Variants in LAMC1 observed in about 807,000 individuals in gnomAD.
LAMC1 encodes the protein laminin subunit gamma-1.
A neutral mutation model predicts 173.6 loss-of-function variants in LAMC1; 38 were observed. The ratio of observed to expected loss-of-function variants is 0.22; its 90% CI spans 0.17 to 0.29. The LOEUF is 0.29. Among genes scored for constraint, LAMC1 ranks in the 10% least tolerant of loss-of-function variants. The probability of loss-of-function intolerance (pLI) is 1.00; values close to 1 mark genes in which losing one functional copy is unlikely to be tolerated. For missense variants in LAMC1, 1,824 were observed against 2,051.8 expected, an observed-to-expected ratio of 0.89 and a Z score of 2.14; for synonymous variants, 746 against 749.1, an observed-to-expected ratio of 1.00 and a Z score of 0.07.
At chr1:183,076,039 G>A (rs894400891) in intron 1 of LAMC1, among the ~76,000 whole-genome samples, 1 of 152,168 alleles carries the variant, frequency 6.6e-6, no homozygotes, top group Admixed American at 6.5e-5. Context: ...ATGTTGTCTG[G>A]TCAATTTCTC....
Position 183,116,805 on chromosome 1 carries a change from C to T in LAMC1, c.1466C>T (p.Pro489Leu). The T allele has an allele frequency of 6.2e-7, 1 of 1,613,966 alleles. No homozygotes were observed. The highest frequency in any genetic ancestry group is 1.1e-5 in the South Asian group (1 of 91,076). Reference protein sequence around the residue: ...PGFFNLESSNPRGCTPCFCFG... With the variant: ...PGFFNLESSNLRGCTPCFCFG... ...TTTTTTAATCTGGAATCATCTAATC[C>T]TCGGGGTTGCACACCCTGCTTCTGC... The change falls in exon 8 of 28, where the codon CCT becomes CTT. Residue 489 changes from proline to leucine, a missense_variant. Physicochemically the swap from Pro to Leu is moderately conservative, Grantham distance 98. Transcript: ENST00000258341.
In LAMC1 at chr1:183,062,661, T is replaced by C. The variant is rs181328925; in HGVS notation, c.418+38527T>C. Among the ~76,000 whole-genome samples, 494 of 151,948 alleles carry C rather than the reference T, an allele frequency of 3.3e-3. 3 individuals are homozygous for C. Among genetic ancestry groups the C allele is most frequent in the African/African-American group, 0.011 (471 of 41,428 alleles). Reference sequence around the variant, plus strand: ...CTCTGTCTAAAAAAATAAAAAACTTTTATTTACTGGCCGGGTGCAGTGGCT... The same window carrying C: ...CTCTGTCTAAAAAAATAAAAAACTTCTATTTACTGGCCGGGTGCAGTGGCT... On this transcript the variant is annotated intron_variant, in intron 1 of 27. Transcript: ENST00000258341.
At chr1:183,046,216 A>C (rs755747759) in intron 1 of LAMC1, among the ~76,000 whole-genome samples, 12 of 152,008 alleles carry the variant, frequency 7.9e-5, no homozygotes, top group Non-Finnish European at 1.8e-4. Flanking sequence ...TCTACATTTA[A>C]GTTTATCTGG....
rs554685902 is a variant in LAMC1, at chr1:183,060,443, A to G, written c.418+36309A>G. Among the ~76,000 whole-genome samples the G allele has an allele frequency of 5.3e-5, 8 of 151,424 alleles. No homozygotes were observed. The South Asian group carries it at 1.7e-3, about 32-fold the overall frequency. On this transcript the variant is annotated intron_variant, in intron 1 of 27. Transcript: ENST00000258341. ...CCTTTACCCTGTCCCTCTGTCCTGC[A>G]TTTGCCATCCTTTAAGACTCAATTC...
intron 1 of LAMC1, among the ~76,000 whole-genome samples, chr1:183,053,224 C>G (rs1469805494): frequency 6.6e-6 from 1 of 152,154 alleles, no homozygotes; most frequent in Non-Finnish European, 1.5e-5. Context: ...TTTAATAGAT[C>G]ATATTTTCCC....
intron 2 of LAMC1, among the ~76,000 whole-genome samples, chr1:183,105,224 C>CAAAAAAAAAAAAA (rs35512159): frequency 4.7e-5 from 2 of 42,802 alleles, no homozygotes; most frequent in Non-Finnish European, 4.3e-5. Context: ...GACTCCATCT[C>CAAAAAAAAAAAAA]AAAAAAAAAA....
In LAMC1 at chr1:183,121,777, T is replaced by A; in HGVS notation, c.2045T>A (p.Val682Asp). The change falls in exon 12 of 28, where the codon GTC becomes GAC. Residue 682 changes from valine to aspartate, a missense_variant. Transcript: ENST00000258341. ...GCAAGTGCTCGTCCTGGGCCTGGAG[T>A]CCCTGCAACTTGGGTGGAGTCCTGC... ...TLASARPGPG[V>D]PATWVESCTC... 6.2e-7 allele frequency: 1 copy of A among 1,614,108 alleles called. No individual in the cohort carries two copies. The highest frequency in any genetic ancestry group is 8.5e-7 in the Non-Finnish European group (1 of 1,180,012).
At chr1:183,124,166 T>G (rs934317086) in intron 13 of LAMC1, among the ~76,000 whole-genome samples, 1 of 152,240 alleles carries the variant, frequency 6.6e-6, no homozygotes, top group Non-Finnish European at 1.5e-5. Context: ...TGATACTGAT[T>G]AACAAGGATT....
intron 2 of LAMC1, among the ~76,000 whole-genome samples, chr1:183,105,459 G>GT (rs1655954889): frequency 6.6e-6 from 1 of 152,084 alleles, no homozygotes; most frequent in Non-Finnish European, 1.5e-5. Context: ...ATACAAAGTT[G>GT]TAACTGTGGT....
intron 8 of LAMC1, 138 bp downstream of exon 8, chr1:183,117,041 G>A (rs1205174329): frequency 9.8e-6 from 9 of 920,840 alleles, no homozygotes; most frequent in Non-Finnish European, 1.4e-5. Flanking sequence ...CATAGTTTTT[G>A]TAGTTTGGCC....
rs529759463 is a variant in LAMC1, at chr1:183,143,798, G to T, written c.*1008G>T. On this transcript the variant is annotated 3_prime_UTR_variant, in exon 28 of 28. Transcript: ENST00000258341. ...CTAGCAAAGGGATAAAACTTAGATG[G>T]CAGCTTGTACTGTCAGAATCCCGTG... The T allele has an allele frequency of 9.9e-5, 15 of 152,278 alleles. No individual in the cohort carries two copies. The highest frequency in any genetic ancestry group is 3.1e-4 in the African/African-American group (13 of 41,568). 9.4% of individuals were successfully genotyped at this position (152,278 alleles called of 1,614,324 possible). A position where few individuals can be genotyped will look rare whatever the true frequency, so the allele number is the denominator to read the frequency against.
Position 183,023,657 on chromosome 1 carries a change from A to G in LAMC1, c.-60A>G. 8.9e-7 allele frequency: 1 copy of G among 1,126,578 alleles called. No homozygotes were observed. Among genetic ancestry groups the G allele is most frequent in the Non-Finnish European group, 1.1e-6 (1 of 915,262 alleles). The allele number at this position is 1,126,578 out of a possible 1,614,324, so 69.8% of individuals were successfully genotyped here. On this transcript the variant is annotated 5_prime_UTR_variant, in exon 1 of 28. Coordinates refer to ENST00000258341, the MANE Select transcript of LAMC1 (RefSeq NM_002293.4). ...GAAGCGGCCTCCGGGGGACGCCGCTAGGCGAGAGGAACGCGCCGGTGCCCT... is the reference window on the plus strand; with the variant it reads ...GAAGCGGCCTCCGGGGGACGCCGCTGGGCGAGAGGAACGCGCCGGTGCCCT...
At chr1:183,037,323 T>G (rs141398576) in intron 1 of LAMC1, among the ~76,000 whole-genome samples, 180 of 140,810 alleles carry the variant, frequency 1.3e-3, no homozygotes, top group African/African-American at 3.1e-3. Context: ...ATGACTTCTT[T>G]CTGGTTGTTG....
At chr1:183,127,176 T>C (rs775955164) in intron 16 of LAMC1, 50 bp from the exon 17 acceptor site, 5 of 1,537,450 alleles carry the variant, frequency 3.3e-6, no homozygotes, top group South Asian at 2.3e-5. Flanking sequence ...TTAAGAGATA[T>C]ACTCTTCCTT....
intron 1 of LAMC1, among the ~76,000 whole-genome samples, chr1:183,029,840 C>T (rs933560689): frequency 2.0e-5 from 3 of 152,026 alleles, no homozygotes; most frequent in African/African-American, 7.2e-5. Flanking sequence ...TGGTTAATTG[C>T]TTGTTATGTA....
chr1:183,131,349 G>A lies in LAMC1; in HGVS notation c.3537G>A (p.Leu1179=). ...GGGACCCAAACAACATGACTCTTTT[G>A]GCAGAAGAGGCTCGAAAGCTTGCTG... is the stretch of plus-strand genomic sequence containing the variant. ...STGDPNNMTL[L]AEEARKLAER... is the part of the protein sequence containing the mutation. The change falls in exon 20 of 28, where the codon TTG becomes TTA. Residue 1179 remains leucine, a synonymous_variant. Transcript: ENST00000258341. The A allele has an allele frequency of 6.2e-7, 1 of 1,613,582 alleles. No homozygotes were observed. The highest frequency in any genetic ancestry group is 1.1e-5 in the South Asian group (1 of 91,052).
chr1:183,140,378 C>T lies in LAMC1; in HGVS notation c.4474-26C>T, dbSNP rs767644728. 2.8e-6 allele frequency: 4 copies of T among 1,443,252 alleles called. No homozygotes were observed. In the South Asian group the frequency reaches 4.6e-5, roughly 17 times the overall value. 89.4% of individuals were successfully genotyped at this position (1,443,252 alleles called of 1,614,324 possible). ...AGAAGATGAAAACATACAGTCAAGA[C>T]TCTTTGCCTCATTTTTCCCTTACAG... On this transcript the variant is annotated intron_variant, in intron 26 of 27. Coordinates refer to ENST00000258341, the MANE Select transcript of LAMC1 (RefSeq NM_002293.4).
intron 1 of LAMC1, among the ~76,000 whole-genome samples, chr1:183,101,762 A>T (rs1443403284): frequency 6.6e-6 from 1 of 152,128 alleles, no homozygotes; most frequent in African/African-American, 2.4e-5. Flanking sequence ...AAAATGCCCC[A>T]TCCTGTGTTC....
intron 1 of LAMC1, among the ~76,000 whole-genome samples, chr1:183,072,395 G>C (rs1312181754): frequency 6.6e-6 from 1 of 152,196 alleles, no homozygotes; most frequent in Non-Finnish European, 1.5e-5. Flanking sequence ...TTAGAGGCCA[G>C]CTTCATAGAG....
Sources: gnomAD v4.1 joint callset for allele counts (sites outside exome capture counted in the v4.1 genomes callset) on GRCh38, gnomAD v4.1.1 for gene constraint, MANE v1.5 for transcripts, NCBI Gene and HGNC (gene_info 2026-07-23, HGNC 2026-07-21) for gene names.